The following CSGALNACT1 variants were observed in gnomAD, a reference collection of about 807,000 sequenced individuals.
CSGALNACT1 encodes chondroitin sulfate N-acetylgalactosaminyltransferase 1.
CSGALNACT1 carries 52 observed loss-of-function variants against 51.0 expected under a neutral mutation model. That is an observed-to-expected ratio of 1.02 (90% CI 0.82 to 1.29). CSGALNACT1 has a LOEUF of 1.29. CSGALNACT1 is among the 50% of genes most tolerant of loss of function. CSGALNACT1 has a pLI of 0.00. For missense variants in CSGALNACT1, 935 were observed against 679.2 expected (o/e 1.38, Z -4.19); for synonymous variants, 341 against 254.4 (o/e 1.34, Z -3.24).
At chr8:19,497,379 G>A (rs2075676125) in intron 4 of CSGALNACT1, among the ~76,000 whole-genome samples, 1 of 152,024 alleles carries the variant, frequency 6.6e-6, no homozygotes, top group Non-Finnish European at 1.5e-5. Flanking sequence ...TATCTCAAAA[G>A]GGATTTGAAG....
At chr8:19,682,651 C>G, upstream of CSGALNACT1, 1 of 454,060 alleles carries the variant, frequency 2.2e-6, no homozygotes, top group South Asian at 1.6e-5. Context: ...GCAACAACAG[C>G]CAAAACCACA....
At chr8:19,499,012 A>G (rs112656950) in intron 4 of CSGALNACT1, among the ~76,000 whole-genome samples, 1 of 152,156 alleles carries the variant, frequency 6.6e-6, no homozygotes, top group African/African-American at 2.4e-5. Context: ...CTGCTCCAAA[A>G]GCCGAGGTGG....
chr8:19,495,570 C>T (rs560854490), intron 4 of CSGALNACT1, among the ~76,000 whole-genome samples: 47 of 152,094 alleles, frequency 3.1e-4, no homozygotes, highest in Non-Finnish European at 6.0e-4. Flanking sequence ...AGGGAGGAGG[C>T]TGGAGAGGAG....
At chr8:19,581,079 G>A (rs749142779) in intron 3 of CSGALNACT1, among the ~76,000 whole-genome samples, 9 of 152,146 alleles carry the variant, frequency 5.9e-5, no homozygotes, top group Admixed American at 2.6e-4. Context: ...AAGAAGCAAC[G>A]GCTACACAGA....
rs545677419 is a variant in CSGALNACT1 at position 19,615,400 on chromosome 8, A to G, written c.-543-13535T>C. Among the ~76,000 whole-genome samples, 6 of 152,340 alleles carry G rather than the reference A, an allele frequency of 3.9e-5. No homozygotes were observed. The East Asian group carries it at 1.2e-3, about 29-fold the overall frequency. On this transcript the variant is annotated intron_variant, in intron 1 of 9. Coordinates refer to the CSGALNACT1 transcript ENST00000332246. ...GACACTTATTCCAAGAATGCTCGTG[A>G]CTTCTTTTGAACCCTCTCTTTGAGA...
At chr8:19,655,050 G>C (rs369751008) in intron 1 of CSGALNACT1, among the ~76,000 whole-genome samples, 1 of 152,130 alleles carries the variant, frequency 6.6e-6, no homozygotes, top group African/African-American at 2.4e-5. Flanking sequence ...AATACATTGA[G>C]TAATAAGCCA....
chr8:19,441,120 T>C (rs891151783), intron 5 of CSGALNACT1, among the ~76,000 whole-genome samples: 7 of 152,268 alleles, frequency 4.6e-5, no homozygotes, highest in African/African-American at 1.7e-4. Context: ...GAAGAATCAA[T>C]ATCGTGAAAA....
intron 5 of CSGALNACT1, chr8:19,457,798 A>C (rs1028619149): frequency 1.6e-5 from 21 of 1,351,396 alleles, no homozygotes; most frequent in Admixed American, 1.9e-5. Context: ...GCACACATCT[A>C]AAAACTTCAT....
chr8:19,671,997 T>C (rs2059828976), intron 1 of CSGALNACT1, among the ~76,000 whole-genome samples: 2 of 152,234 alleles, frequency 1.3e-5, no homozygotes, highest in Admixed American at 1.3e-4. Flanking sequence ...AAAGCTATTA[T>C]AAATAACGCT....
At chr8:19,536,013 G>A (rs1032783699) in intron 3 of CSGALNACT1, among the ~76,000 whole-genome samples, 1 of 152,068 alleles carries the variant, frequency 6.6e-6, no homozygotes, top group East Asian at 1.9e-4. Flanking sequence ...ATACAGATTA[G>A]AAAGGAAGAA....
intron 1 of CSGALNACT1, among the ~76,000 whole-genome samples, chr8:19,644,702 TC>T (rs1306835096): frequency 1.0e-5 from 1 of 95,348 alleles, no homozygotes; most frequent in African/African-American, 4.3e-5. Flanking sequence ...AGAGCGAGAC[TC>T]CGTCTCAAAA....
chr8:19,602,349 T>C (rs891200978), exon 1 of CSGALNACT1: 7 of 150,344 alleles, frequency 4.7e-5, no homozygotes, highest in African/African-American at 1.8e-4. Flanking sequence ...TGAAATGAAA[T>C]GTTAAAAAAT....
chr8:19,521,331 C>G (rs189207178), intron 3 of CSGALNACT1, among the ~76,000 whole-genome samples: 1 of 152,140 alleles, frequency 6.6e-6, no homozygotes, highest in East Asian at 1.9e-4. Context: ...GGCTACAGCA[C>G]TAAAGACAGA....
intron 1 of CSGALNACT1, among the ~76,000 whole-genome samples, chr8:19,670,534 C>T (rs184520349): frequency 2.4e-4 from 36 of 149,992 alleles, no homozygotes; most frequent in Admixed American, 8.7e-4. Flanking sequence ...ATTCTTATGC[C>T]ATCTCTGAAG....
At chr8:19,579,443 C>A (rs1344843887) in intron 3 of CSGALNACT1, among the ~76,000 whole-genome samples, 5 of 152,218 alleles carry the variant, frequency 3.3e-5, no homozygotes, top group African/African-American at 1.2e-4. Flanking sequence ...TCTCTAAAAC[C>A]TTTCCCCTGG....
At chr8:19,694,633 G>C (rs1166794180) in intron 1 of CSGALNACT1, among the ~76,000 whole-genome samples, 2 of 152,126 alleles carry the variant, frequency 1.3e-5, no homozygotes, top group Non-Finnish European at 2.9e-5. Context: ...GTGCTCACGA[G>C]GCCTTCTAGA....
chr8:19,502,265 G>A (rs752839212), intron 4 of CSGALNACT1, among the ~76,000 whole-genome samples: 1 of 152,200 alleles, frequency 6.6e-6, no homozygotes, highest in Non-Finnish European at 1.5e-5. Flanking sequence ...GAAAAGCTTT[G>A]TATTTTGCAG....
At chr8:19,568,703 G>A (rs1588464239) in intron 3 of CSGALNACT1, among the ~76,000 whole-genome samples, 1 of 152,088 alleles carries the variant, frequency 6.6e-6, no homozygotes, top group Non-Finnish European at 1.5e-5. Context: ...AATACATCCA[G>A]AATGAAATGG....
At chr8:19,713,646 C>T (rs529063864) in intron 1 of CSGALNACT1, among the ~76,000 whole-genome samples, 2 of 152,282 alleles carry the variant, frequency 1.3e-5, no homozygotes, top group South Asian at 2.1e-4. Flanking sequence ...ACTGCTGCAG[C>T]TGCAAGCCAA....
Sources: gnomAD v4.1 joint callset for allele counts (sites outside exome capture counted in the v4.1 genomes callset) on GRCh38, gnomAD v4.1.1 for gene constraint, MANE v1.5 for transcripts, NCBI Gene and HGNC (gene_info 2026-07-23, HGNC 2026-07-21) for gene names.